The following TRPM3 variants were observed in gnomAD, a reference collection of about 807,000 sequenced individuals.
TRPM3 encodes the protein transient receptor potential cation channel subfamily M member 3, also known as long transient receptor potential channel 3.
A neutral mutation model predicts 181.2 loss-of-function variants in TRPM3; 77 were observed. The ratio of observed to expected loss-of-function variants is 0.42; its 90% confidence interval spans 0.35 to 0.51. The LOEUF is 0.51. Among genes scored for constraint, TRPM3 ranks in the 20% least tolerant of loss-of-function variants. TRPM3 has a pLI of 0.01. For synonymous variants in TRPM3, 745 were observed against 796.4 expected (o/e 0.94, Z 1.09); for missense variants, 1,759 against 2,196.7 (o/e 0.80, Z 3.98).
intron 1 of TRPM3, among the ~76,000 whole-genome samples, chr9:71,353,232 G>A (rs368852470): frequency 6.6e-6 from 1 of 152,000 alleles, no homozygotes; most frequent in Non-Finnish European, 1.5e-5. Context: ...CATTTCTCAC[G>A]CTGTATTTTA....
Position 71,121,575 on chromosome 9 carries a change from T to G in TRPM3, c.-221A>C. Reference sequence around the variant, plus strand: ...ACGATTTTGAAGAAGAGGGACAGCCTGCACAAAACAGCCTGTGGTCGGAGT... The same window carrying G: ...ACGATTTTGAAGAAGAGGGACAGCCGGCACAAAACAGCCTGTGGTCGGAGT... On this transcript the variant is annotated 5_prime_UTR_variant, in exon 1 of 26. Transcript: ENST00000677713. 2 of 1,335,514 alleles carry G rather than the reference T, an allele frequency of 1.5e-6. No individual in the cohort carries two copies. The highest frequency in any genetic ancestry group is 3.0e-5 in the African/African-American group (2 of 67,566). 82.7% of individuals were successfully genotyped at this position (1,335,514 alleles called of 1,614,324 possible).
intron 1 of TRPM3, among the ~76,000 whole-genome samples, chr9:71,381,348 G>A (rs9696318): frequency 6.6e-6 from 1 of 152,050 alleles, no homozygotes; most frequent in Non-Finnish European, 1.5e-5. Context: ...GAAGACAGTA[G>A]GTGGGTATAT....
intron 9 of TRPM3, among the ~76,000 whole-genome samples, chr9:70,650,923 A>C (rs2059522934): frequency 6.6e-6 from 1 of 152,188 alleles, no homozygotes; most frequent in African/African-American, 2.4e-5. Flanking sequence ...TGAGTGCTTC[A>C]ATAAGATTAA....
At chr9:71,363,789 G>A (rs1230098831) in intron 1 of TRPM3, among the ~76,000 whole-genome samples, 1 of 152,052 alleles carries the variant, frequency 6.6e-6, no homozygotes, top group East Asian at 1.9e-4. Context: ...CATCACACTA[G>A]ATTTAAGTGC....
intron 11 of TRPM3, among the ~76,000 whole-genome samples, chr9:70,637,037 C>T (rs537256530): frequency 1.8e-4 from 27 of 152,186 alleles, no homozygotes; most frequent in Middle Eastern, 3.4e-3. Context: ...CTATGAAATG[C>T]GGCAACGACC....
At chr9:70,878,732 C>T (rs1405905727) in intron 1 of TRPM3, among the ~76,000 whole-genome samples, 1 of 151,982 alleles carries the variant, frequency 6.6e-6, no homozygotes, top group African/African-American at 2.4e-5. Context: ...GGGCCAACAC[C>T]AGTTTATGAA....
At chr9:71,388,323 C>T (rs945756610) in intron 1 of TRPM3, among the ~76,000 whole-genome samples, 4 of 152,138 alleles carry the variant, frequency 2.6e-5, no homozygotes, top group Non-Finnish European at 4.4e-5. Flanking sequence ...TTTTCAATCA[C>T]TTCTGTCTGA....
At chr9:70,820,399 G>GTTTA (rs1253613660) in intron 6 of TRPM3, among the ~76,000 whole-genome samples, 9 of 151,986 alleles carry the variant, frequency 5.9e-5, no homozygotes, top group Non-Finnish European at 7.4e-5. Context: ...TTGTTTGTTT[G>GTTTA]TTTTTGAGAC....
At chr9:71,134,010 TGTGTGCGCGTGCGC>T (rs1383364597) in intron 1 of TRPM3, among the ~76,000 whole-genome samples, 52 of 87,894 alleles carry the variant, frequency 5.9e-4, no homozygotes, top group African/African-American at 1.8e-3. Context: ...TGTGTGTGTG[TGTGTGCGCGTGCGC>T]GCGCGCGCGT....
rs2056510794 is a variant in TRPM3 at position 71,026,445 on chromosome 9, C to CA, written c.177+94732dup. On this transcript the variant is annotated intron_variant, in intron 1 of 25. Coordinates refer to ENST00000677713, the MANE Select transcript of TRPM3 (RefSeq NM_001366145.2). ...CCCGATGAACACGCACCAGCCTGCC[C>CA]ATTCCCTCTGCTGCCTTTGCCTTCA... Among the ~76,000 whole-genome samples the CA allele has an allele frequency of 2.0e-5, 3 of 152,340 alleles. No homozygotes were observed. In the South Asian group the frequency reaches 6.2e-4, roughly 32 times the overall value.
chr9:70,784,771 A>G (rs374394533), intron 6 of TRPM3, among the ~76,000 whole-genome samples: 1 of 152,230 alleles, frequency 6.6e-6, no homozygotes, highest in Non-Finnish European at 1.5e-5. Context: ...ATTAAACACT[A>G]TCAAAATCAG....
chr9:71,190,163 G>A (rs2077925148), intron 1 of TRPM3, among the ~76,000 whole-genome samples: 1 of 151,836 alleles, frequency 6.6e-6, no homozygotes, highest in Non-Finnish European at 1.5e-5. Context: ...ATACAAGGCA[G>A]GAGCAGATCC....
intron 1 of TRPM3, among the ~76,000 whole-genome samples, chr9:71,344,834 A>C (rs138727320): frequency 4.6e-5 from 7 of 152,210 alleles, no homozygotes; most frequent in African/African-American, 1.7e-4. Context: ...TATATCTGAC[A>C]AATGACTTAT....
intron 1 of TRPM3, among the ~76,000 whole-genome samples, chr9:71,340,854 C>T (rs2090913719): frequency 6.6e-6 from 1 of 151,974 alleles, no homozygotes; most frequent in South Asian, 2.1e-4. Context: ...AGTGGTCATT[C>T]TAGAGGAAGA....
intron 6 of TRPM3, among the ~76,000 whole-genome samples, chr9:70,804,402 A>C (rs7024138): frequency 0.28 from 42,136 of 152,182 alleles, 6,464 homozygotes; most frequent in African/African-American, 0.4. Flanking sequence ...AAGTAGACTT[A>C]TAAACCACTG....
intron 25 of TRPM3, among the ~76,000 whole-genome samples, chr9:70,540,382 G>A (rs1047687913): frequency 2.6e-5 from 4 of 152,202 alleles, no homozygotes; most frequent in South Asian, 2.1e-4. Context: ...TGACCTAACC[G>A]TAGTCACTGG....
intron 1 of TRPM3, among the ~76,000 whole-genome samples, chr9:71,339,069 G>C (rs2090774076): frequency 6.6e-6 from 1 of 152,000 alleles, no homozygotes; most frequent in Non-Finnish European, 1.5e-5. Context: ...ACTTCTTACA[G>C]AGTAAGACAA....
chr9:70,648,211 A>G (rs1454182383), intron 9 of TRPM3, among the ~76,000 whole-genome samples: 1 of 152,216 alleles, frequency 6.6e-6, no homozygotes, highest in African/African-American at 2.4e-5. Flanking sequence ...TTGGTGGCTT[A>G]TGCCTGTATT....
chr9:70,793,097 A>C (rs2131038623), intron 6 of TRPM3, among the ~76,000 whole-genome samples: 1 of 152,312 alleles, frequency 6.6e-6, no homozygotes, highest in African/African-American at 2.4e-5. Context: ...GAGCTAAATA[A>C]AAATAGGGTG....
Sources: allele counts gnomAD v4.1 joint callset (sites outside exome capture counted in the v4.1 genomes callset), GRCh38; gene constraint gnomAD v4.1.1; transcripts MANE v1.5; gene names NCBI Gene and HGNC (gene_info 2026-07-23, HGNC 2026-07-21).